The following RPUSD3 variants were observed in gnomAD, a reference collection of about 807,000 sequenced individuals.
RPUSD3 encodes the protein mitochondrial mRNA pseudouridine synthase RPUSD3.
RPUSD3 carries 36 observed loss-of-function variants against 35.1 expected under a neutral mutation model. The ratio of observed to expected loss-of-function variants is 1.02; its 90% CI spans 0.79 to 1.35. The LOEUF (loss-of-function observed/expected upper bound fraction) is 1.35, where lower values mean the gene tolerates loss of function less well. Among genes scored for constraint, RPUSD3 ranks in the 40% most tolerant of loss-of-function variants. RPUSD3 has a pLI of 0.00. For missense variants in RPUSD3, 486 were observed against 441.9 expected (o/e 1.10, Z -0.89); for synonymous variants, 202 against 187.8 (o/e 1.08, Z -0.62).
At chr3:9,838,767 G>C (rs1438116823) in intron 8 of RPUSD3, among the ~76,000 whole-genome samples, 1 of 152,190 alleles carries the variant, frequency 6.6e-6, no homozygotes, top group Non-Finnish European at 1.5e-5. Context: ...CTTTGTACCA[G>C]ACTCAAAGAA....
At chr3:9,840,396 G>A in intron 6 of RPUSD3, 89 bp from the exon 7 acceptor site, 4 of 1,610,942 alleles carry the variant, frequency 2.5e-6, no homozygotes, top group Non-Finnish European at 2.5e-6. Flanking sequence ...TCCGGGCAGG[G>A]CCACAGTATA....
In RPUSD3 at chr3:9,841,974, A is replaced by G; in HGVS notation, c.407+9T>C. 6.2e-7 allele frequency: 1 copy of G among 1,612,628 alleles called. No homozygotes were observed. Among genetic ancestry groups the G allele is most frequent in the Non-Finnish European group, 8.5e-7 (1 of 1,178,868 alleles). ...GTACTCCTAGCTTCCTGTCACCCCT[A>G]CCACTTACTTCCCAGATGCTCGGAC... On this transcript the variant is annotated intron_variant, in intron 4 of 8. Coordinates refer to ENST00000383820, the Ensembl canonical transcript of RPUSD3.
chr3:9,840,064 T>C, intron 7 of RPUSD3, 120 bp downstream of exon 7: 2 of 1,334,088 alleles, frequency 1.5e-6, no homozygotes, highest in South Asian at 3.0e-5. Flanking sequence ...TAGTTTTTAG[T>C]TGAAACAGGG....
chr3:9,838,912 G>C, intron 8 of RPUSD3, 120 bp downstream of exon 8: 2 of 1,390,990 alleles, frequency 1.4e-6, no homozygotes, highest in South Asian at 1.3e-5. Context: ...ATACAGCCTT[G>C]GGAGCCAAAA....
chr3:9,839,139 G>A, exon 8 of RPUSD3: 1 of 1,613,882 alleles, frequency 6.2e-7, no homozygotes, highest in Non-Finnish European at 8.5e-7. Flanking sequence ...CAGAGCTGTA[G>A]TACCATGTGC....
chr3:9,841,742 T>A, intron 4 of RPUSD3: 1 of 402,040 alleles, frequency 2.5e-6, no homozygotes, highest in Non-Finnish European at 4.5e-6. Context: ...GTGTTGGGAT[T>A]ACAGGTGTGA....
chr3:9,841,261 T>A (rs962189497), intron 4 of RPUSD3: 1 of 154,784 alleles, frequency 6.5e-6, no homozygotes, highest in Non-Finnish European at 1.4e-5. Flanking sequence ...TGAGCATAGG[T>A]ATTATTTTCT....
rs1014681469 is a variant in RPUSD3 at position 9,843,985 on chromosome 3, G to C, written c.30C>G (p.Asp10Glu). 8.1e-6 allele frequency: 13 copies of C among 1,599,552 alleles called. No homozygotes were observed. The highest frequency in any genetic ancestry group is 1.1e-5 in the Non-Finnish European group (13 of 1,175,902). ...AGAACCGGCCCAAAACACGGCGGCC[G>C]TCCATCTCCCGAGCCAGGACAGCGC... Residue 10 changes from aspartate (D) to glutamate (E), a missense_variant, in exon 1 of 9, where the codon GAC (aspartate) becomes GAG (glutamate). Transcript: ENST00000383820.
chr3:9,840,675 A>G (rs752784436), intron 5 of RPUSD3, 23 bp downstream of exon 5: 1 of 1,612,952 alleles, frequency 6.2e-7, no homozygotes, highest in South Asian at 1.1e-5. Flanking sequence ...CCACCACTCT[A>G]GGAACCTCCC....
intron 5 of RPUSD3, 21 bp downstream of exon 5, chr3:9,840,677 G>C (rs1235375987): frequency 1.2e-6 from 2 of 1,613,286 alleles, no homozygotes; most frequent in African/African-American, 2.7e-5. Flanking sequence ...ACCACTCTAG[G>C]AACCTCCCAG....
Position 9,842,261 on chromosome 3 carries a change from C to T in RPUSD3, c.263-18G>A, listed in dbSNP as rs751420686. The T allele has an allele frequency of 8.7e-6, 14 of 1,613,912 alleles. No homozygotes were observed. Among genetic ancestry groups the T allele is most frequent in the Middle Eastern group, 1.6e-4 (1 of 6,084 alleles). On this transcript the variant is annotated intron_variant, in intron 2 of 8. Coordinates refer to ENST00000383820, the Ensembl canonical transcript of RPUSD3. Reference sequence around the variant, plus strand: ...TAGAGGTCCTGAAACATACATCACACGAACATCAGCAAAAGCAACGGTAAC... The same window carrying T: ...TAGAGGTCCTGAAACATACATCACATGAACATCAGCAAAAGCAACGGTAAC...
chr3:9,838,589 A>G (rs2082058733), intron 8 of RPUSD3, among the ~76,000 whole-genome samples: 1 of 152,140 alleles, frequency 6.6e-6, no homozygotes, highest in Non-Finnish European at 1.5e-5. Flanking sequence ...CTGGCTGGGT[A>G]TCAACAGCCT....
In RPUSD3 at chr3:9,840,021, C is replaced by T. The variant is rs2082079808; in HGVS notation, c.724+163G>A. The T allele has an allele frequency of 1.4e-5, 11 of 778,694 alleles. No individual in the cohort carries two copies. In the South Asian group the frequency reaches 2.0e-4, roughly 14 times the overall value. The allele number at this position is 778,694 out of a possible 1,614,324, so 48.2% of individuals were successfully genotyped here. A position where few individuals can be genotyped will look rare whatever the true frequency, so the allele number is the denominator to read the frequency against. ...TCAGCCTCCCGAGTAGCTGGTTTTA[C>T]AGGCGCCTGCCACCGTGCCCAGCTA... On this transcript the variant is annotated intron_variant, in intron 7 of 8. Coordinates refer to ENST00000383820, the Ensembl canonical transcript of RPUSD3.
At chr3:9,838,038 C>T (rs371571030) in exon 9 of RPUSD3, 70 of 1,584,868 alleles carry the variant, frequency 4.4e-5, no homozygotes, top group Admixed American at 1.1e-4. Context: ...GAGCCCCAGG[C>T]ACTGTAGGGT....
Position 9,838,559 on chromosome 3 carries a change from C to A in RPUSD3, c.865-352G>T, listed in dbSNP as rs963218294. 1.1e-4 allele frequency among the ~76,000 whole-genome samples: 16 copies of A among 152,260 alleles called. No homozygotes were observed. The East Asian group carries it at 3.1e-3, about 29-fold the overall frequency. ...CCCAGAAAAACCTTATCCACTTGAA[C>A]CTACACTGTCTCCCCTCATCTGGCT... On this transcript the variant is annotated intron_variant, in intron 8 of 8. Coordinates refer to ENST00000383820, the Ensembl canonical transcript of RPUSD3.
At chr3:9,838,063 G>T in exon 9 of RPUSD3, 1 of 1,606,568 alleles carries the variant, frequency 6.2e-7, no homozygotes. Context: ...GAGAAATAAG[G>T]GGGCAGTGGT....
At chr3:9,843,749 C>T (rs558822896) in intron 1 of RPUSD3, 141 bp downstream of exon 1, 257 of 1,539,288 alleles carry the variant, frequency 1.7e-4, no homozygotes, top group Middle Eastern at 1.2e-3. Flanking sequence ...TACGACCGGT[C>T]CCATTCTACA....
At chr3:9,838,982 C>T in intron 8 of RPUSD3, 50 bp downstream of exon 8, 1 of 1,612,712 alleles carries the variant, frequency 6.2e-7, no homozygotes, top group Non-Finnish European at 8.5e-7. Context: ...TGCCCATGCT[C>T]ACCTCTCCCT....
chr3:9,839,438 G>A, intron 7 of RPUSD3: 1 of 323,038 alleles, frequency 3.1e-6, no homozygotes, highest in Non-Finnish European at 5.7e-6. Flanking sequence ...CCTAAGGACT[G>A]TTCTTTCCTG....
Sources: allele counts gnomAD v4.1 joint callset (sites outside exome capture counted in the v4.1 genomes callset), GRCh38; gene constraint gnomAD v4.1.1; transcripts MANE v1.5; gene names NCBI Gene and HGNC (gene_info 2026-07-23, HGNC 2026-07-21).